Variants in PID1 observed in about 807,000 individuals in gnomAD.
PID1 encodes phosphotyrosine interaction domain containing 1.
Under a neutral mutation model 19.1 loss-of-function variants are expected in PID1, and 10 were observed. The observed-to-expected ratio is 0.52, with a 90% CI of 0.32 to 0.89. PID1 has a LOEUF of 0.89. Among genes scored for constraint, PID1 ranks in the 40% least tolerant of loss-of-function variants. PID1 has a pLI of 0.03. For missense variants in PID1, 248 were observed against 285.3 expected (o/e 0.87, Z 0.94); for synonymous variants, 130 against 116.0 (o/e 1.12, Z -0.78).
chr2:229,043,257 C>T (rs965906418), intron 2 of PID1, among the ~76,000 whole-genome samples: 10 of 152,074 alleles, frequency 6.6e-5, no homozygotes, highest in Non-Finnish European at 1.0e-4. Context: ...CCACCTGCCT[C>T]GGCCTCCCAA....
At chr2:229,243,307 G>A (rs1398857649) in intron 1 of PID1, among the ~76,000 whole-genome samples, 1 of 152,068 alleles carries the variant, frequency 6.6e-6, no homozygotes, top group South Asian at 2.1e-4. Flanking sequence ...TGGGAATTGT[G>A]GGAGTTACAA....
chr2:229,089,834 G>T (rs1180124121), intron 2 of PID1, among the ~76,000 whole-genome samples: 1 of 152,132 alleles, frequency 6.6e-6, no homozygotes, highest in Non-Finnish European at 1.5e-5. Context: ...ACTAAAAGGT[G>T]TATTTCTATA....
chr2:229,033,762 T>C (rs568338469), intron 2 of PID1, among the ~76,000 whole-genome samples: 1 of 152,286 alleles, frequency 6.6e-6, no homozygotes, highest in South Asian at 2.1e-4. Context: ...AATAACATGA[T>C]AGGAAAAGAG....
chr2:229,116,235 T>C (rs1695409388), intron 2 of PID1, among the ~76,000 whole-genome samples: 1 of 151,978 alleles, frequency 6.6e-6, no homozygotes, highest in Admixed American at 6.6e-5. Context: ...TCAAAATAAA[T>C]AAATTAATAA....
At chr2:229,213,651 C>A (rs1217236050) in intron 1 of PID1, among the ~76,000 whole-genome samples, 1 of 152,172 alleles carries the variant, frequency 6.6e-6, no homozygotes, top group East Asian at 1.9e-4. Context: ...TCCCAAAATT[C>A]TTTAAGTCAT....
intron 1 of PID1, among the ~76,000 whole-genome samples, chr2:229,182,033 T>C (rs894117312): frequency 1.2e-4 from 18 of 152,236 alleles, no homozygotes; most frequent in African/African-American, 4.1e-4. Context: ...TAAAGATTAG[T>C]GGTTGCCAGG....
intron 1 of PID1, among the ~76,000 whole-genome samples, chr2:229,186,967 T>C (rs909951434): frequency 6.6e-6 from 1 of 152,126 alleles, no homozygotes; most frequent in African/African-American, 2.4e-5. Context: ...CTAAATCATC[T>C]CTCTCAAGTT....
intron 1 of PID1, among the ~76,000 whole-genome samples, chr2:229,235,932 G>A (rs1692318250): frequency 6.6e-6 from 1 of 152,150 alleles, no homozygotes; most frequent in Non-Finnish European, 1.5e-5. Context: ...AGCAGCTTGT[G>A]GCAAAGTTGG....
chr2:229,234,180 A>AATAAAACCTAAAACC (rs1230237619), intron 1 of PID1, among the ~76,000 whole-genome samples: 2 of 152,202 alleles, frequency 1.3e-5, no homozygotes, highest in Admixed American at 1.3e-4. Context: ...AGAGAAGACA[A>AATAAAACCTAAAACC]ATAAAACCTA....
intron 2 of PID1, among the ~76,000 whole-genome samples, chr2:229,129,382 C>A (rs936551893): frequency 6.7e-6 from 1 of 149,632 alleles, no homozygotes; most frequent in Non-Finnish European, 1.5e-5. Context: ...CCACTGCACC[C>A]CAGCCTGGGC....
Position 229,173,485 on chromosome 2 carries a change from C to T in PID1, c.31-17521G>A, listed in dbSNP as rs367957608. Among the ~76,000 whole-genome samples the T allele has an allele frequency of 2.0e-5, 3 of 152,186 alleles. No individual in the cohort carries two copies. In the East Asian group the frequency reaches 5.8e-4, roughly 29 times the overall value. ...ACAATAAAGAACCTACCTCTTAAAT[C>T]CTACTGCTGGGTTATTCAGCCATCT... is the stretch of plus-strand genomic sequence containing the variant. On this transcript the variant is annotated intron_variant, in intron 1 of 2. Coordinates refer to ENST00000392055, the MANE Select transcript of PID1 (RefSeq NM_001100818.2).
At chr2:229,223,994 C>T (rs955544977) in intron 1 of PID1, among the ~76,000 whole-genome samples, 1 of 151,984 alleles carries the variant, frequency 6.6e-6, no homozygotes, top group Non-Finnish European at 1.5e-5. Flanking sequence ...CCATATGTAC[C>T]CATTATTTAG....
intron 2 of PID1, among the ~76,000 whole-genome samples, chr2:229,041,824 G>A (rs191079593): frequency 2.6e-5 from 4 of 151,962 alleles, no homozygotes; most frequent in Admixed American, 2.6e-4. Context: ...AAATGGAAGG[G>A]CATTGCTTAA....
intron 1 of PID1, among the ~76,000 whole-genome samples, chr2:229,217,542 T>C (rs1196099196): frequency 2.6e-5 from 4 of 152,060 alleles, no homozygotes; most frequent in African/African-American, 9.7e-5. Flanking sequence ...GGGAGGATGC[T>C]ACAGAAAACA....
At chr2:229,269,941 C>G (rs746412539) in intron 1 of PID1, among the ~76,000 whole-genome samples, 1 of 152,150 alleles carries the variant, frequency 6.6e-6, no homozygotes, top group African/African-American at 2.4e-5. Context: ...ATGCCCTCTG[C>G]GGGTTGTTCC....
At chr2:229,075,117 GC>G (rs1354873329) in intron 2 of PID1, among the ~76,000 whole-genome samples, 1 of 152,136 alleles carries the variant, frequency 6.6e-6, no homozygotes, top group Admixed American at 6.5e-5. Context: ...TTACAGTTGG[GC>G]AAAAGAATCT....
chr2:229,225,303 G>A (rs1272636063), intron 1 of PID1, among the ~76,000 whole-genome samples: 10 of 152,286 alleles, frequency 6.6e-5, no homozygotes, highest in African/African-American at 2.4e-4. Context: ...TACCCACAGA[G>A]AAGCACCGGA....
chr2:229,268,761 A>T (rs1199501297), intron 1 of PID1, among the ~76,000 whole-genome samples: 8 of 152,102 alleles, frequency 5.3e-5, no homozygotes, highest in Non-Finnish European at 1.0e-4. Context: ...AGAGCCTGGG[A>T]GTGGCAAAGT....
At chr2:229,202,448 C>T (rs370567879) in intron 1 of PID1, among the ~76,000 whole-genome samples, 2 of 151,962 alleles carry the variant, frequency 1.3e-5, no homozygotes, top group African/African-American at 2.4e-5. Flanking sequence ...TGCCTGCTTA[C>T]CATTCCATTC....
Sources: allele counts gnomAD v4.1 joint callset (sites outside exome capture counted in the v4.1 genomes callset), GRCh38; gene constraint gnomAD v4.1.1; transcripts MANE v1.5; gene names NCBI Gene and HGNC (gene_info 2026-07-23, HGNC 2026-07-21).